Variants in FSTL5 observed in about 807,000 individuals in gnomAD.
The protein encoded by FSTL5 is follistatin like 5.
FSTL5 carries 62 observed loss-of-function variants against 89.1 expected under a neutral mutation model. The observed-to-expected ratio is 0.70, with a 90% CI of 0.57 to 0.86. FSTL5 has a LOEUF of 0.86. Ranked by LOEUF, FSTL5 falls within the 40% of genes least tolerant of loss-of-function variation. The pLI, the probability that FSTL5 is intolerant of heterozygous loss-of-function variation, is 0.00. For missense variants in FSTL5, 1,057 were observed against 1,001.6 expected, an observed-to-expected ratio of 1.06 and a Z score of -0.75; for synonymous variants, 383 against 346.2, an observed-to-expected ratio of 1.11 and a Z score of -1.18.
intron 3 of FSTL5, among the ~76,000 whole-genome samples, chr4:161,997,293 A>T (rs552130830): frequency 6.6e-6 from 1 of 152,160 alleles, no homozygotes. Context: ...TGTTTTTCCA[A>T]TATATCTTAA....
chr4:161,413,152 A>G (rs1578954097), intron 15 of FSTL5, among the ~76,000 whole-genome samples: 1 of 151,860 alleles, frequency 6.6e-6, no homozygotes, highest in Non-Finnish European at 1.5e-5. Context: ...AGATAACTCA[A>G]CCTATGCATC....
chr4:161,920,406 T>C lies in FSTL5; in HGVS notation c.407A>G (p.Lys136Arg), dbSNP rs1733958322. ...CTTAAGGTTCACCCTTCATTTACCT[T>C]TAAAGAAGCAGTCTTCATTGTGAAC... The part of the protein sequence containing the change: ...TIVHNEDCFF[K>R]GDKCKTTEYS... Residue 136 changes from lysine to arginine, a missense_variant and splice_region_variant, in exon 4 of 16, where the codon AAA becomes AGA. Around this residue, in one of 3 missense-constraint regions of FSTL5, gnomAD observed 980 missense variants for 903.2 expected, o/e 1.08. Transcript: ENST00000306100. 6.2e-7 allele frequency: 1 copy of C among 1,613,656 alleles called. No homozygotes were observed. The highest frequency in any genetic ancestry group is 8.5e-7 in the Non-Finnish European group (1 of 1,179,826).
At chr4:161,964,066 T>A (rs1440587) in intron 3 of FSTL5, among the ~76,000 whole-genome samples, 2 of 151,762 alleles carry the variant, frequency 1.3e-5, no homozygotes, top group African/African-American at 4.8e-5. Flanking sequence ...GCTTTATGAA[T>A]GCTAAATACT....
intron 4 of FSTL5, among the ~76,000 whole-genome samples, chr4:161,859,703 A>T (rs1731839117): frequency 6.6e-6 from 1 of 152,208 alleles, no homozygotes; most frequent in South Asian, 2.1e-4. Context: ...TACTGCCTTT[A>T]TTTCTATCTT....
At chr4:161,841,166 C>T (rs976320869) in intron 4 of FSTL5, among the ~76,000 whole-genome samples, 4 of 152,088 alleles carry the variant, frequency 2.6e-5, no homozygotes, top group Admixed American at 2.6e-4. Flanking sequence ...TAAACAGTTC[C>T]TTATTTAAAC....
intron 6 of FSTL5, among the ~76,000 whole-genome samples, chr4:161,705,995 TAC>T (rs771833603): frequency 0.37 from 13,460 of 36,360 alleles, 3,979 homozygotes; most frequent in Non-Finnish European, 0.53. Context: ...TATATATATA[TAC>T]ACACATCTAC....
At chr4:161,606,885 A>G (rs1734466004) in intron 7 of FSTL5, among the ~76,000 whole-genome samples, 1 of 152,190 alleles carries the variant, frequency 6.6e-6, no homozygotes. Flanking sequence ...GGGAAGAGAT[A>G]AAAATTTAAA....
intron 8 of FSTL5, among the ~76,000 whole-genome samples, chr4:161,571,608 C>A (rs538391105): frequency 6.6e-6 from 1 of 152,014 alleles, no homozygotes. Context: ...GATTGAGAAC[C>A]TTTATAAATA....
At chr4:161,745,126 G>A (rs1487004839) in intron 6 of FSTL5, among the ~76,000 whole-genome samples, 2 of 151,842 alleles carry the variant, frequency 1.3e-5, no homozygotes, top group African/African-American at 2.4e-5. Context: ...CCTGGCTTTG[G>A]GGAAACAATC....
At chr4:161,468,625 T>G (rs1733829790) in intron 13 of FSTL5, among the ~76,000 whole-genome samples, 1 of 152,164 alleles carries the variant, frequency 6.6e-6, no homozygotes, top group African/African-American at 2.4e-5. Flanking sequence ...TGTTTCAGTA[T>G]TCCTAAGTCA....
chr4:161,424,379 T>C (rs1387992930), intron 15 of FSTL5, among the ~76,000 whole-genome samples: 1 of 151,912 alleles, frequency 6.6e-6, no homozygotes, highest in East Asian at 1.9e-4. Context: ...GGCATAGTGT[T>C]AAATGATATA....
chr4:161,532,422 G>A (rs1431658868), intron 10 of FSTL5, among the ~76,000 whole-genome samples: 1 of 152,014 alleles, frequency 6.6e-6, no homozygotes, highest in African/African-American at 2.4e-5. Context: ...CACACATTTT[G>A]CAAAATTTAT....
intron 6 of FSTL5, among the ~76,000 whole-genome samples, chr4:161,658,922 A>G (rs980063056): frequency 1.3e-5 from 2 of 152,204 alleles, no homozygotes; most frequent in African/African-American, 4.8e-5. Context: ...ATTGCTACTA[A>G]GTTACCCTGG....
At position 161,640,231 on chromosome 4, in the gene FSTL5, G is replaced by T. The variant is rs117316627; in HGVS notation, c.894+16097C>A. Among the ~76,000 whole-genome samples, 94 of 152,192 alleles carry T rather than the reference G, an allele frequency of 6.2e-4. No individual in the cohort carries two copies. In the East Asian group the frequency reaches 0.017, roughly 28 times the overall value. ...AATCTGGTTTTGAGTTACAGTATTA[G>T]ATTTAACTGTCTAGTTTTCTTTAAA... is the stretch of plus-strand genomic sequence containing the variant. On this transcript the variant is annotated intron_variant, in intron 7 of 15. Transcript: ENST00000306100.
intron 6 of FSTL5, among the ~76,000 whole-genome samples, chr4:161,719,695 C>T (rs1474050833): frequency 6.7e-6 from 1 of 150,192 alleles, no homozygotes. Context: ...AGTCCTTCAC[C>T]TCCTTGGTTA....
intron 5 of FSTL5, among the ~76,000 whole-genome samples, chr4:161,766,472 C>T (rs962478212): frequency 2.9e-4 from 44 of 152,168 alleles, no homozygotes; most frequent in Admixed American, 1.6e-3. Context: ...TATTTCATAC[C>T]GTGGTTTATT....
rs115035071 is a variant in FSTL5 at position 162,071,097 on chromosome 4, C to A, written c.127-37439G>T. On this transcript the variant is annotated intron_variant, in intron 2 of 15. Transcript: ENST00000306100. ...AAGGCTGTATGAAACAACCAGAAAA[C>A]AATTAACAGAATGAAACATGTAACT... Among the ~76,000 whole-genome samples the A allele has an allele frequency of 2.9e-3, 447 of 151,596 alleles. 4 individuals carry two copies. The highest frequency in any genetic ancestry group is 0.01 in the African/African-American group (434 of 41,462).
At chr4:161,826,422 T>G (rs910869227) in intron 4 of FSTL5, among the ~76,000 whole-genome samples, 1 of 151,178 alleles carries the variant, frequency 6.6e-6, no homozygotes, top group Non-Finnish European at 1.5e-5. Flanking sequence ...AAATCCATTG[T>G]TTTTTTTGTT....
intron 8 of FSTL5, among the ~76,000 whole-genome samples, chr4:161,575,813 T>C (rs191267646): frequency 6.6e-6 from 1 of 152,160 alleles, no homozygotes; most frequent in African/African-American, 2.4e-5. Flanking sequence ...CTTTAATCCA[T>C]CTTGAGTTAA....
Sources: gnomAD v4.1 joint callset for allele counts (sites outside exome capture counted in the v4.1 genomes callset) on GRCh38, gnomAD v4.1.1 for gene constraint, gnomAD v4.1.1 regional missense constraint, MANE v1.5 for transcripts, NCBI Gene and HGNC (gene_info 2026-07-23, HGNC 2026-07-21) for gene names.